The following SPTBN5 variants were observed in gnomAD, a reference collection of about 807,000 sequenced individuals.
SPTBN5 encodes spectrin beta, non-erythrocytic 5.
A neutral mutation model predicts 477.6 loss-of-function variants in SPTBN5; 513 were observed. The observed-to-expected ratio is 1.07, with a 90% CI of 1.00 to 1.16. The LOEUF (loss-of-function observed/expected upper bound fraction) is 1.16, where lower values mean the gene tolerates loss of function less well. Among genes scored for constraint, SPTBN5 ranks in the 50% most tolerant of loss-of-function variants. The pLI is 0.00. For missense variants in SPTBN5, 5,062 were observed against 4,731.8 expected, an observed-to-expected ratio of 1.07 and a Z score of -2.05; for synonymous variants, 2,169 against 2,011.7, an observed-to-expected ratio of 1.08 and a Z score of -2.09.
Position 41,853,795 on chromosome 15 carries a change from C to A in SPTBN5, c.9775-8G>T, listed in dbSNP as rs774923010. The A allele has an allele frequency of 1.5e-4, 230 of 1,552,632 alleles. No homozygotes were observed. The highest frequency in any genetic ancestry group is 1.9e-4 in the Non-Finnish European group (221 of 1,147,688). ...CATAGCTTCCAGCTCTCTCTGCAAC[C>A]AGAGCATGAGATCAGGCCTCAGTCC... On this transcript the variant is annotated splice_polypyrimidine_tract_variant and splice_region_variant and intron_variant, in intron 57 of 67. Coordinates refer to ENST00000320955, the MANE Select transcript of SPTBN5 (RefSeq NM_016642.4).
chr15:41,888,197 C>G (rs536472800), intron 4 of SPTBN5, 112 bp from the exon 5 acceptor site: 596 of 1,126,054 alleles, frequency 5.3e-4, no homozygotes, highest in Non-Finnish European at 7.1e-4. Context: ...TCCTCCCTGG[C>G]CCGGGGCCAG....
At chr15:41,864,905 G>A (rs2066245348) in intron 39 of SPTBN5, among the ~76,000 whole-genome samples, 1 of 152,226 alleles carries the variant, frequency 6.6e-6, no homozygotes, top group South Asian at 2.1e-4. Flanking sequence ...GGCAGGGAAG[G>A]ACATTCCCCT....
At position 41,852,979 on chromosome 15, in the gene SPTBN5, G is replaced by A. The variant is rs1004367702; in HGVS notation, c.10192C>T (p.Leu3398=). 9.7e-6 allele frequency: 15 copies of A among 1,549,924 alleles called. No homozygotes were observed. Among genetic ancestry groups the A allele is most frequent in the South Asian group, 2.4e-5 (2 of 83,790 alleles). Residue 3398 remains leucine, a synonymous_variant, in exon 60 of 68, where the codon CTG becomes TTG. Transcript: ENST00000320955. ...SAEVTECLQE[L]EGRLQELEEA... is the part of the protein sequence containing the mutation. ...TCCAGCTCCTGCAGCCGCCCTTCCA[G>A]CTCCTGCAGGCACTCTGTCACCTGG...
intron 67 of SPTBN5, 61 bp downstream of exon 67, chr15:41,849,808 C>T (rs143924471): frequency 6.1e-5 from 80 of 1,319,590 alleles, no homozygotes; most frequent in South Asian, 3.3e-4. Flanking sequence ...CAGAGGACAG[C>T]GCCTGCCAGC....
chr15:41,876,660 G>GGGC lies in SPTBN5; in HGVS notation c.3852-14_3852-13insGCC. 4.1e-6 allele frequency: 6 copies of GGGC among 1,453,882 alleles called. No homozygotes were observed. The highest frequency in any genetic ancestry group is 5.7e-6 in the Non-Finnish European group (6 of 1,047,698). The allele number at this position is 1,453,882 out of a possible 1,614,324, so 90.1% of individuals were successfully genotyped here. A position where few individuals can be genotyped will look rare whatever the true frequency, so the allele number is the denominator to read the frequency against. On this transcript the variant is annotated splice_polypyrimidine_tract_variant and intron_variant, in intron 19 of 67. Coordinates refer to ENST00000320955, the MANE Select transcript of SPTBN5 (RefSeq NM_016642.4). ...CTGCTCTCTGACCCTGGAGGGCGGG[G>GGGC]GGGGGTTGGAGGAGGGCATGGGAGA... is the stretch of plus-strand genomic sequence containing the variant.
chr15:41,873,819 C>T (rs2066622065), intron 25 of SPTBN5, 26 bp downstream of exon 25: 3 of 1,606,742 alleles, frequency 1.9e-6, no homozygotes, highest in South Asian at 2.2e-5. Context: ...TGCCTCTTCC[C>T]CCAACCCCAC....
intron 8 of SPTBN5, 40 bp downstream of exon 8, chr15:41,883,308 C>T (rs1201084226): frequency 1.2e-6 from 2 of 1,609,882 alleles, no homozygotes; most frequent in African/African-American, 1.3e-5. Context: ...AGTCCCCCAC[C>T]TTGCTGTGTT....
At position 41,866,094 on chromosome 15, in the gene SPTBN5, T is replaced by C. The variant is rs142760037; in HGVS notation, c.6766A>G (p.Asn2256Asp). Residue 2256 changes from asparagine (N) to aspartate (D), a missense_variant, in exon 38 of 68, where the codon AAC (asparagine) becomes GAC (aspartate). Physicochemically the swap from Asn to Asp is conservative, Grantham distance 23. Transcript: ENST00000320955. Reference sequence around the variant, plus strand: ...ACTCTCTGCAGGAACTCCAGGAAGTTCCGCCTGTCCTCCAGCTCCTGGCCC... The same window carrying C: ...ACTCTCTGCAGGAACTCCAGGAAGTCCCGCCTGTCCTCCAGCTCCTGGCCC... The part of the protein sequence containing the change: ...LRGQELEDRR[N>D]FLEFLQRVDL... 5 of 1,557,060 alleles carry C rather than the reference T, an allele frequency of 3.2e-6. No homozygotes were observed. In the African/African-American group the frequency reaches 6.8e-5, roughly 21 times the overall value.
intron 13 of SPTBN5, 130 bp downstream of exon 13, chr15:41,880,901 ATCT>A: frequency 1.3e-6 from 1 of 789,160 alleles, no homozygotes; most frequent in South Asian, 1.8e-5. Flanking sequence ...GTTGTCTGAC[ATCT>A]TCTCAGCCAT....
chr15:41,861,799 A>T lies in SPTBN5; in HGVS notation c.7673T>A (p.Leu2558Gln), dbSNP rs996091018. Residue 2558 changes from leucine to glutamine, a missense_variant, in exon 45 of 68, where the codon CTG becomes CAG. Coordinates refer to ENST00000320955, the MANE Select transcript of SPTBN5 (RefSeq NM_016642.4). ...CTGCCAGGCCCCTTCCAGGCTGCTCAGCTCCTGTTCTAAGCCAGCCAGCAC... is the reference window on the plus strand; with the variant it reads ...CTGCCAGGCCCCTTCCAGGCTGCTCTGCTCCTGTTCTAAGCCAGCCAGCAC... Reference protein sequence around the residue: ...RQVLAGLEQELSSLEGAWQEH... With the variant: ...RQVLAGLEQEQSSLEGAWQEH... The T allele has an allele frequency of 6.4e-7, 1 of 1,570,094 alleles. No homozygotes were observed. The highest frequency in any genetic ancestry group is 1.3e-5 in the African/African-American group (1 of 74,078).
At position 41,848,456 on chromosome 15, in the gene SPTBN5, C is replaced by G. The variant is rs1301845745; in HGVS notation, c.*160G>C. The G allele has an allele frequency of 1.2e-6, 1 of 821,064 alleles. No individual in the cohort carries two copies. Among genetic ancestry groups the G allele is most frequent in the Admixed American group, 1.9e-5 (1 of 51,592 alleles). 50.9% of individuals were successfully genotyped at this position (821,064 alleles called of 1,614,324 possible). A position where few individuals can be genotyped will look rare whatever the true frequency, so the allele number is the denominator to read the frequency against. ...TTTCCTGCCACATGGTAGGACCCAT[C>G]TAACCAGAAGGAACTGTCTATTCCA... On this transcript the variant is annotated 3_prime_UTR_variant, in exon 68 of 68. Transcript: ENST00000320955.
In SPTBN5 at chr15:41,876,904, C is replaced by T; in HGVS notation, c.3756G>A (p.Glu1252=). The change falls in exon 19 of 68, where the codon GAG becomes GAA. Residue 1252 remains glutamate (E), a synonymous_variant. Coordinates refer to ENST00000320955, the MANE Select transcript of SPTBN5 (RefSeq NM_016642.4). ...EALSLLQQHR[E]FGRLLSTLGP... ...CCAGGGTGCTCAGGAGCCGCCCAAA[C>T]TCCCGGTGCTGCTGCAGCAGGCTCA... 1 of 1,610,420 alleles carries T rather than the reference C, an allele frequency of 6.2e-7. No individual in the cohort carries two copies. The highest frequency in any genetic ancestry group is 8.5e-7 in the Non-Finnish European group (1 of 1,179,678).
At position 41,849,979 on chromosome 15, in the gene SPTBN5, C is replaced by CT. The variant is rs1046732796; in HGVS notation, c.10922-21_10922-20insA. 1.9e-6 allele frequency: 3 copies of CT among 1,560,120 alleles called. No individual in the cohort carries two copies. The African/African-American group carries it at 4.1e-5, about 21-fold the overall frequency. On this transcript the variant is annotated intron_variant, in intron 66 of 67. Coordinates refer to ENST00000320955, the MANE Select transcript of SPTBN5 (RefSeq NM_016642.4). ...TCTGGGCTGCAGAGCAAGGGAATAACCACTGTTAGCCCGGCCCAGACCATC... is the reference window on the plus strand; with the variant it reads ...TCTGGGCTGCAGAGCAAGGGAATAACTCACTGTTAGCCCGGCCCAGACCATC...
rs770734400 is a variant in SPTBN5 at position 41,857,664 on chromosome 15, A to G, written c.8273T>C (p.Ile2758Thr). Residue 2758 changes from isoleucine to threonine, a missense_variant, in exon 50 of 68, where the codon ATC becomes ACC. Coordinates refer to ENST00000320955, the MANE Select transcript of SPTBN5 (RefSeq NM_016642.4). Reference sequence around the variant, plus strand: ...TCCCAGCTCCTCCAGTCGCTCCTGGATGGCCTCCGAGGCTGGGTGGCCCCC... The same window carrying G: ...TCCCAGCTCCTCCAGTCGCTCCTGGGTGGCCTCCGAGGCTGGGTGGCCCCC... ...LQGGHPASEA[I>T]QERLEELGAL... The G allele has an allele frequency of 6.3e-7, 1 of 1,589,234 alleles. No homozygotes were observed. The highest frequency in any genetic ancestry group is 2.3e-5 in the East Asian group (1 of 43,724).
Position 41,874,875 on chromosome 15 carries a change from G to A in SPTBN5, c.4469C>T (p.Ala1490Val), listed in dbSNP as rs769815872. ...SMAHGMAASPAILEETQKHLR... is the reference protein window; with the variant it reads ...SMAHGMAASPVILEETQKHLR... Reference sequence around the variant, plus strand: ...GTGCTTCTGGGTCTCTTCCAGGATGGCCGGGGAGGCGGCCATGCCATGGGC... The same window carrying A: ...GTGCTTCTGGGTCTCTTCCAGGATGACCGGGGAGGCGGCCATGCCATGGGC... The change falls in exon 23 of 68, where the codon GCC becomes GTC. Residue 1490 changes from alanine to valine, a missense_variant. Coordinates refer to ENST00000320955, the MANE Select transcript of SPTBN5 (RefSeq NM_016642.4). 1.2e-6 allele frequency: 2 copies of A among 1,611,568 alleles called. No homozygotes were observed. Among genetic ancestry groups the A allele is most frequent in the East Asian group, 2.2e-5 (1 of 44,794 alleles).
At chr15:41,887,851 A>T (rs2067202996) in intron 5 of SPTBN5, 77 bp downstream of exon 5, 1 of 1,426,706 alleles carries the variant, frequency 7.0e-7, no homozygotes, top group Admixed American at 2.0e-5. Context: ...ATGTGGGAGA[A>T]CGGGTGGGCT....
At chr15:41,866,858 C>T (rs2140935967) in intron 36 of SPTBN5, 101 bp downstream of exon 36, 2 of 1,406,702 alleles carry the variant, frequency 1.4e-6, no homozygotes, top group East Asian at 2.5e-5. Flanking sequence ...GCCATCCACC[C>T]CCGAACCTGT....
In SPTBN5 at chr15:41,849,887, C is replaced by G. The variant is rs377719846; in HGVS notation, c.10994G>C (p.Arg3665Pro). Residue 3665 changes from arginine to proline, a missense_variant, in exon 67 of 68, where the codon CGG (arginine) becomes CCG (proline). Arg to Pro is a moderately radical substitution (Grantham distance 103, BLOSUM62 -2). Coordinates refer to ENST00000320955, the MANE Select transcript of SPTBN5 (RefSeq NM_016642.4). ...SLNECTTKDA[R>P]PGCLLRSDP is the part of the protein sequence containing the mutation. Reference sequence around the variant, plus strand: ...GTCCCACCTGAGTAGACATCCAGGCCGGGCATCCTTGGTCGTGCACTCATT... The same window carrying G: ...GTCCCACCTGAGTAGACATCCAGGCGGGGCATCCTTGGTCGTGCACTCATT... The G allele has an allele frequency of 1.9e-6, 3 of 1,584,354 alleles. No individual in the cohort carries two copies. The highest frequency in any genetic ancestry group is 2.3e-5 in the East Asian group (1 of 43,424).
intron 21 of SPTBN5, 80 bp from the exon 22 acceptor site, chr15:41,875,702 G>T: frequency 1.4e-6 from 2 of 1,430,132 alleles, no homozygotes; most frequent in Non-Finnish European, 1.9e-6. Flanking sequence ...GACCTGGGTG[G>T]CAGTGGAGGT....
Sources: gnomAD v4.1 joint callset for allele counts (sites outside exome capture counted in the v4.1 genomes callset) on GRCh38, gnomAD v4.1.1 for gene constraint, MANE v1.5 for transcripts, NCBI Gene and HGNC (gene_info 2026-07-23, HGNC 2026-07-21) for gene names.